Variants in NEO1 observed in about 807,000 individuals in gnomAD.
NEO1 encodes neogenin 1.
Under a neutral mutation model 159.7 loss-of-function variants are expected in NEO1, and 63 were observed. The ratio of observed to expected loss-of-function variants is 0.39; its 90% CI spans 0.32 to 0.49. The LOEUF (loss-of-function observed/expected upper bound fraction) is 0.49. Ranked by LOEUF, NEO1 falls within the 20% of genes least tolerant of loss-of-function variation. The probability of loss-of-function intolerance (pLI) is 0.85; values close to 1 mark genes in which losing one functional copy is unlikely to be tolerated. For missense variants in NEO1, 1,615 were observed against 1,831.0 expected, an observed-to-expected ratio of 0.88 and a Z score of 2.15; for synonymous variants, 633 against 662.0, an observed-to-expected ratio of 0.96 and a Z score of 0.67.
At chr15:73,187,663 G>GTAGCT (rs2036007758) in intron 7 of NEO1, among the ~76,000 whole-genome samples, 1 of 152,176 alleles carries the variant, frequency 6.6e-6, no homozygotes, top group African/African-American at 2.4e-5. Flanking sequence ...ACAAATATGT[G>GTAGCT]TAGCTGTGTT....
chr15:73,059,301 G>A (rs2067865907), intron 1 of NEO1, among the ~76,000 whole-genome samples: 1 of 152,318 alleles, frequency 6.6e-6, no homozygotes, highest in Admixed American at 6.5e-5. Flanking sequence ...CAGTTCTTCA[G>A]TTCTGAGGAG....
chr15:73,302,133 C>T (rs990622839), intron 28 of NEO1, among the ~76,000 whole-genome samples: 2 of 152,218 alleles, frequency 1.3e-5, no homozygotes, highest in African/African-American at 4.8e-5. Flanking sequence ...GTGACCTTTC[C>T]TGAGCAAGAT....
chr15:73,131,897 C>T (rs775290266), intron 4 of NEO1, among the ~76,000 whole-genome samples: 2 of 152,210 alleles, frequency 1.3e-5, no homozygotes, highest in Non-Finnish European at 2.9e-5. Context: ...CTTTCTGCCA[C>T]AATTAATTTG....
intron 25 of NEO1, among the ~76,000 whole-genome samples, chr15:73,291,771 T>C (rs887555736): frequency 6.6e-6 from 1 of 152,230 alleles, no homozygotes; most frequent in East Asian, 1.9e-4. Context: ...GCTTTATTTT[T>C]TTTTATTTAC....
At chr15:73,184,071 T>G (rs960183350) in intron 7 of NEO1, among the ~76,000 whole-genome samples, 2 of 152,164 alleles carry the variant, frequency 1.3e-5, no homozygotes, top group African/African-American at 4.8e-5. Context: ...ATTTCAGCCT[T>G]TGTGACTTCT....
intron 7 of NEO1, among the ~76,000 whole-genome samples, chr15:73,200,108 G>T (rs1302187000): frequency 6.6e-6 from 1 of 152,120 alleles, no homozygotes; most frequent in Non-Finnish European, 1.5e-5. Context: ...TGTAGAGCTT[G>T]GTATTATTTA....
chr15:73,106,363 C>T (rs182331189), intron 1 of NEO1, among the ~76,000 whole-genome samples: 137 of 152,146 alleles, frequency 9.0e-4, no homozygotes, highest in African/African-American at 3.1e-3. Flanking sequence ...CTAGATAGCA[C>T]ATTAGAAAAG....
At chr15:73,247,935 C>G (rs1168949385) in intron 9 of NEO1, among the ~76,000 whole-genome samples, 2 of 152,170 alleles carry the variant, frequency 1.3e-5, no homozygotes, top group South Asian at 2.1e-4. Flanking sequence ...CACATACATC[C>G]TATCGTGGGT....
intron 21 of NEO1, among the ~76,000 whole-genome samples, chr15:73,274,938 C>A (rs1390331530): frequency 6.6e-6 from 1 of 152,024 alleles, no homozygotes; most frequent in Non-Finnish European, 1.5e-5. Flanking sequence ...AAAACTGAAC[C>A]AGTAAACTGG....
intron 24 of NEO1, 76 bp downstream of exon 24, chr15:73,288,627 G>T: frequency 7.5e-7 from 1 of 1,335,436 alleles, no homozygotes; most frequent in South Asian, 1.3e-5. Flanking sequence ...TTTTCCCTGA[G>T]TTTGCCTTCA....
At chr15:73,230,245 C>T (rs1302872813) in intron 7 of NEO1, among the ~76,000 whole-genome samples, 33 of 152,144 alleles carry the variant, frequency 2.2e-4, no homozygotes, top group Non-Finnish European at 4.4e-5. Flanking sequence ...GTTCAGACTT[C>T]ATGTTTTTTC....
intron 3 of NEO1, among the ~76,000 whole-genome samples, chr15:73,123,229 T>TAAAG (rs975358266): frequency 2.9e-4 from 44 of 152,162 alleles, no homozygotes; most frequent in African/African-American, 9.9e-4. Flanking sequence ...CTCAGTTTCT[T>TAAAG]ACAGAAGTGA....
intron 5 of NEO1, among the ~76,000 whole-genome samples, chr15:73,138,776 A>C (rs906903495): frequency 7.2e-5 from 11 of 151,964 alleles, no homozygotes; most frequent in African/African-American, 2.7e-4. Context: ...AAAAAACAAA[A>C]AAACAAAAAA....
chr15:73,186,698 A>G (rs2035951242), intron 7 of NEO1, among the ~76,000 whole-genome samples: 1 of 152,126 alleles, frequency 6.6e-6, no homozygotes, highest in East Asian at 1.9e-4. Flanking sequence ...TTTGTCTTAC[A>G]TGATTCAAGA....
chr15:73,273,702 A>G, intron 19 of NEO1, 109 bp from the exon 20 acceptor site: 1 of 789,926 alleles, frequency 1.3e-6, no homozygotes, highest in Non-Finnish European at 2.0e-6. Flanking sequence ...TACATTATTC[A>G]AATATTATGC....
chr15:73,075,819 T>A (rs2068744002), intron 1 of NEO1, among the ~76,000 whole-genome samples: 1 of 152,218 alleles, frequency 6.6e-6, no homozygotes, highest in African/African-American at 2.4e-5. Flanking sequence ...AGAATTGTTT[T>A]AACTGGAAGA....
At chr15:73,192,823 A>C (rs1267442396) in intron 7 of NEO1, among the ~76,000 whole-genome samples, 1 of 152,050 alleles carries the variant, frequency 6.6e-6, no homozygotes, top group African/African-American at 2.4e-5. Context: ...ACAGAAATCT[A>C]TTAATGATGG....
chr15:73,150,338 A>G (rs1226384960), intron 5 of NEO1, among the ~76,000 whole-genome samples: 1 of 152,196 alleles, frequency 6.6e-6, no homozygotes, highest in African/African-American at 2.4e-5. Context: ...ATTTCCCAAT[A>G]AGAAAGCAAA....
rs751899443 is a variant in NEO1, at chr15:73,273,851, A to G, written c.3006A>G (p.Ile1002Met). 42 of 1,614,042 alleles carry G rather than the reference A, an allele frequency of 2.6e-5. No homozygotes were observed. Among genetic ancestry groups the G allele is most frequent in the Non-Finnish European group, 3.4e-5 (40 of 1,179,990 alleles). ...IYYSTDVNAEIHDWVIEPVVG... is the reference protein window; with the variant it reads ...IYYSTDVNAEMHDWVIEPVVG... ...ACAGTACAGATGTGAATGCAGAGAT[A>G]CATGACTGGGTTATTGAGCCTGTTG... Residue 1002 changes from isoleucine (I) to methionine (M), a missense_variant, in exon 20 of 29, where the codon ATA becomes ATG. Physicochemically the swap from Ile to Met is conservative, Grantham distance 10 (BLOSUM62 1). Transcript: ENST00000261908.
Sources: gnomAD v4.1 joint callset for allele counts (sites outside exome capture counted in the v4.1 genomes callset) on GRCh38, gnomAD v4.1.1 for gene constraint, MANE v1.5 for transcripts, NCBI Gene and HGNC (gene_info 2026-07-23, HGNC 2026-07-21) for gene names.